Variants in ZNF738 observed in about 807,000 individuals in gnomAD.
The protein encoded by ZNF738 is protein ZNF738.
A neutral mutation model predicts 9.2 loss-of-function variants in ZNF738; 10 were observed. The observed-to-expected ratio is 1.09, with a 90% confidence interval of 0.67 to 1.85. The LOEUF (loss-of-function observed/expected upper bound fraction) is 1.85, where lower values mean the gene tolerates loss of function less well. ZNF738 is among the 40% of genes most tolerant of loss of function. ZNF738 has a pLI of 0.00. For missense variants in ZNF738, 346 were observed against 283.6 expected, an observed-to-expected ratio of 1.22 and a Z score of -1.58; for synonymous variants, 113 against 94.5, an observed-to-expected ratio of 1.20 and a Z score of -1.14.
chr19:21,378,049 C>A (rs1175429071), intron 4 of ZNF738: 1 of 397,086 alleles, frequency 2.5e-6, no homozygotes. Flanking sequence ...TTACATAAAA[C>A]CTTTAAGAGA....
intron 4 of ZNF738, chr19:21,381,554 C>T (rs1171723210): frequency 9.6e-5 from 66 of 685,026 alleles, no homozygotes; most frequent in South Asian, 3.2e-4. Flanking sequence ...AGTGCAGTGG[C>T]GTGATCTCAG....
intron 3 of ZNF738, among the ~76,000 whole-genome samples, chr19:21,375,620 A>G (rs1039348196): frequency 6.6e-6 from 1 of 152,198 alleles, no homozygotes; most frequent in Non-Finnish European, 1.5e-5. Flanking sequence ...TTAGTAGTAT[A>G]AAATATTGTT....
intron 2 of ZNF738, among the ~76,000 whole-genome samples, chr19:21,363,098 G>A (rs1364218178): frequency 6.6e-6 from 1 of 152,066 alleles, no homozygotes; most frequent in African/African-American, 2.4e-5. Flanking sequence ...ATGACTAAAT[G>A]TTTGCTGCAT....
intron 2 of ZNF738, among the ~76,000 whole-genome samples, chr19:21,366,159 C>T (rs1297657483): frequency 7.9e-5 from 12 of 152,082 alleles, no homozygotes; most frequent in Admixed American, 3.3e-4. Context: ...TCATAGACAC[C>T]AGCAAACAGT....
intron 2 of ZNF738, among the ~76,000 whole-genome samples, chr19:21,362,356 AAAC>A (rs770830374): frequency 3.3e-5 from 5 of 152,178 alleles, no homozygotes; most frequent in Non-Finnish European, 7.3e-5. Context: ...CAAACAACAA[AAAC>A]AACAACAAAC....
chr19:21,375,489 A>C (rs1395294002), intron 3 of ZNF738, 125 bp downstream of exon 3: 1 of 529,998 alleles, frequency 1.9e-6, no homozygotes, highest in Non-Finnish European at 3.4e-6. Context: ...TTTTCAAAAA[A>C]TTGCGAGGAA....
In ZNF738 at chr19:21,383,625, C is replaced by T; in HGVS notation, c.1079C>T (p.Thr360Ile). Residue 360 changes from threonine to isoleucine, a missense_variant, in exon 5 of 5, where the codon ACC becomes ATC. Thr to Ile is a moderately conservative substitution (Grantham distance 89). Transcript: ENST00000683779. ...GKAFNWYSHLTRHKIIHTGEK... is the reference protein window; with the variant it reads ...GKAFNWYSHLIRHKIIHTGEK... The stretch of plus-strand genomic sequence containing the variant: ...GCTTTTAATTGGTACTCACACCTTA[C>T]CAGACATAAGATAATTCATACTGGA... 1.0e-6 allele frequency: 1 copy of T among 968,048 alleles called. No homozygotes were observed. The highest frequency in any genetic ancestry group is 1.6e-6 in the Non-Finnish European group (1 of 609,612). The allele number at this position is 968,048 out of a possible 1,614,324, so 60.0% of individuals were successfully genotyped here. A position where few individuals can be genotyped will look rare whatever the true frequency, so the allele number is the denominator to read the frequency against.
At position 21,383,503 on chromosome 19, in the gene ZNF738, A is replaced by G. The variant is rs1974031924; in HGVS notation, c.957A>G (p.Glu319=). ...CTGGAGAGAAACCCTACAAATGTGAAGGATGTGGCAAAGCTTTCTGCCAAT... is the reference window on the plus strand; with the variant it reads ...CTGGAGAGAAACCCTACAAATGTGAGGGATGTGGCAAAGCTTTCTGCCAAT... The part of the protein sequence containing the change: ...IHAGEKPYKC[E]GCGKAFCQFS... The change falls in exon 5 of 5, where the codon GAA becomes GAG. Residue 319 remains glutamate, a synonymous_variant. Transcript: ENST00000683779. 1.2e-6 allele frequency: 1 copy of G among 853,214 alleles called. No individual in the cohort carries two copies. Among genetic ancestry groups the G allele is most frequent in the Non-Finnish European group, 2.0e-6 (1 of 505,040 alleles). The allele number at this position is 853,214 out of a possible 1,614,324, so 52.9% of individuals were successfully genotyped here.
At chr19:21,378,668 G>C (rs1345589373) in intron 4 of ZNF738, 3 of 386,528 alleles carry the variant, frequency 7.8e-6, no homozygotes, top group African/African-American at 4.4e-5. Flanking sequence ...GAGTGAAATG[G>C]CGCGATTTCA....
chr19:21,375,762 A>G (rs1973919316), intron 3 of ZNF738, 107 bp from the exon 4 acceptor site: 2 of 529,478 alleles, frequency 3.8e-6, no homozygotes, highest in Admixed American at 3.3e-5. Context: ...GTATTTTGGG[A>G]TGAATTTTCT....
intron 2 of ZNF738, among the ~76,000 whole-genome samples, chr19:21,371,628 G>A (rs1267448091): frequency 6.6e-6 from 1 of 152,192 alleles, no homozygotes; most frequent in Admixed American, 6.5e-5. Flanking sequence ...GTCTAGACTA[G>A]CAACTGGATA....
chr19:21,382,896 G>A lies in ZNF738; in HGVS notation c.350G>A (p.Trp117Ter), dbSNP rs1337576915. The A allele has an allele frequency of 3.9e-6, 2 of 508,562 alleles. No homozygotes were observed. The highest frequency in any genetic ancestry group is 5.6e-5 in the Admixed American group (2 of 35,856). 31.5% of individuals were successfully genotyped at this position (508,562 alleles called of 1,614,324 possible). A position where few individuals can be genotyped will look rare whatever the true frequency, so the allele number is the denominator to read the frequency against. Residue 117 changes from tryptophan to a stop codon, truncating the protein, a stop_gained, in exon 5 of 5, where the codon TGG (tryptophan) becomes TAG (stop). Transcript: ENST00000683779. LOFTEE classifies it low-confidence loss of function (END_TRUNC). ...TATTCTCATTTTGCCCAGGACCTTT[G>A]GCCACAGCCGGGCATAAAAGATTCT... ...VTYSHFAQDL[W>*]PQPGIKDSFQ... is the part of the protein sequence containing the mutation.
At chr19:21,375,786 A>G (rs1467319887) in intron 3 of ZNF738, 83 bp from the exon 4 acceptor site, 2 of 603,006 alleles carry the variant, frequency 3.3e-6, no homozygotes, top group Non-Finnish European at 6.1e-6. Flanking sequence ...ATATTCTATT[A>G]CCTCCTCTTT....
intron 4 of ZNF738, chr19:21,377,650 A>C: frequency 2.2e-6 from 1 of 460,702 alleles, no homozygotes; most frequent in Non-Finnish European, 3.8e-6. Context: ...TTGACTTAAG[A>C]TGTGGCTTTT....
At chr19:21,366,136 C>A (rs889854296) in intron 2 of ZNF738, among the ~76,000 whole-genome samples, 4 of 152,092 alleles carry the variant, frequency 2.6e-5, no homozygotes, top group Admixed American at 6.6e-5. Flanking sequence ...TCCCCATGTC[C>A]TAATTCTGTC....
chr19:21,368,178 T>C (rs1973811135), intron 2 of ZNF738, among the ~76,000 whole-genome samples: 1 of 152,200 alleles, frequency 6.6e-6, no homozygotes, highest in Non-Finnish European at 1.5e-5. Flanking sequence ...TTGTTGTAGA[T>C]TATTTTGTCA....
intron 1 of ZNF738, among the ~76,000 whole-genome samples, chr19:21,359,596 A>C (rs925990066): frequency 9.2e-5 from 14 of 152,118 alleles, no homozygotes; most frequent in Non-Finnish European, 2.1e-4. Flanking sequence ...GAGTGGTTCT[A>C]GGCTGGGCGC....
chr19:21,375,248 C>A lies in ZNF738; in HGVS notation c.107C>A (p.Thr36Lys). Reference sequence around the variant, plus strand: ...GTGTGTGTTTTTCAGGGGCCGTTGACATTTAGGGATGTGGTCATAGAATTC... The same window carrying A: ...GTGTGTGTTTTTCAGGGGCCGTTGAAATTTAGGGATGTGGTCATAGAATTC... Reference protein sequence around the residue: ...EYSYFEKGPLTFRDVVIEFSQ... With the variant: ...EYSYFEKGPLKFRDVVIEFSQ... The change falls in exon 3 of 5, where the codon ACA becomes AAA. Residue 36 changes from threonine (T) to lysine (K), a missense_variant. By Grantham distance (78) the Thr-to-Lys change is moderately conservative. Transcript: ENST00000683779. 1 of 1,137,084 alleles carries A rather than the reference C, an allele frequency of 8.8e-7. No homozygotes were observed. Among genetic ancestry groups the A allele is most frequent in the Non-Finnish European group, 1.3e-6 (1 of 752,446 alleles). 70.4% of individuals were successfully genotyped at this position (1,137,084 alleles called of 1,614,324 possible).
chr19:21,383,922 G>A lies in ZNF738; in HGVS notation c.*248G>A. ...TGGAGAGAAACCCTACAAATGTGAAGAATGTGGCAAAGCTTTTAACTGTTA... is the reference window on the plus strand; with the variant it reads ...TGGAGAGAAACCCTACAAATGTGAAAAATGTGGCAAAGCTTTTAACTGTTA... On this transcript the variant is annotated 3_prime_UTR_variant, in exon 5 of 5. Transcript: ENST00000683779. 6.9e-7 allele frequency: 1 copy of A among 1,441,392 alleles called. No individual in the cohort carries two copies. Among genetic ancestry groups the A allele is most frequent in the Non-Finnish European group, 9.7e-7 (1 of 1,028,336 alleles). The allele number at this position is 1,441,392 out of a possible 1,614,324, so 89.3% of individuals were successfully genotyped here.
Sources: gnomAD v4.1 joint callset for allele counts (sites outside exome capture counted in the v4.1 genomes callset) on GRCh38, gnomAD v4.1.1 for gene constraint, MANE v1.5 for transcripts, NCBI Gene and HGNC (gene_info 2026-07-23, HGNC 2026-07-21) for gene names.